The following CAGE1 variants were observed in gnomAD, a reference collection of about 807,000 sequenced individuals.
CAGE1 encodes cancer antigen 1.
A neutral mutation model predicts 94.9 loss-of-function variants in CAGE1; 66 were observed. The observed-to-expected ratio is 0.70, with a 90% confidence interval of 0.57 to 0.85. The LOEUF (loss-of-function observed/expected upper bound fraction) is 0.85. Among genes scored for constraint, CAGE1 ranks in the 40% least tolerant of loss-of-function variants. The pLI, the probability that CAGE1 is intolerant of heterozygous loss-of-function variation, is 0.00. For missense variants in CAGE1, 865 were observed against 950.4 expected, an observed-to-expected ratio of 0.91 and a Z score of 1.18; for synonymous variants, 319 against 321.0, an observed-to-expected ratio of 0.99 and a Z score of 0.07.
intron 11 of CAGE1, among the ~76,000 whole-genome samples, chr6:7,344,969 G>C (rs1022004458): frequency 6.6e-6 from 1 of 152,312 alleles, no homozygotes; most frequent in Non-Finnish European, 1.5e-5. Context: ...TGTCAAAACA[G>C]GCCACTCGGC....
chr6:7,331,180 A>T, intron 12 of CAGE1: 1 of 288,948 alleles, frequency 3.5e-6, no homozygotes, highest in Non-Finnish European at 6.9e-6. Context: ...CTTGGAAATA[A>T]CGTACATTTC....
intron 5 of CAGE1, among the ~76,000 whole-genome samples, chr6:7,370,322 G>C (rs1760496536): frequency 2.0e-5 from 3 of 152,008 alleles, no homozygotes; most frequent in Admixed American, 2.0e-4. Context: ...TTGAGCCAGG[G>C]TCTCACTGTC....
intron 3 of CAGE1, among the ~76,000 whole-genome samples, chr6:7,383,200 G>T (rs1024673546): frequency 6.6e-6 from 1 of 152,138 alleles, no homozygotes; most frequent in Non-Finnish European, 1.5e-5. Context: ...ATTCTGTTTC[G>T]AGGCCTTCCC....
chr6:7,378,273 G>T (rs1325313523), intron 4 of CAGE1, among the ~76,000 whole-genome samples: 1 of 152,182 alleles, frequency 6.6e-6, no homozygotes, highest in Non-Finnish European at 1.5e-5. Flanking sequence ...GGGTGAGTAA[G>T]ACAGTCCTGA....
intron 11 of CAGE1, among the ~76,000 whole-genome samples, chr6:7,345,429 C>A (rs1033762018): frequency 6.6e-6 from 1 of 152,138 alleles, no homozygotes; most frequent in African/African-American, 2.4e-5. Flanking sequence ...CTGCAGGGGT[C>A]TGTGGTTTCA....
chr6:7,373,221 A>C lies in CAGE1; in HGVS notation c.1598T>G (p.Leu533Arg). The part of the protein sequence containing the change: ...SENERTKNIK[L>R]QQQINEVKNE... ...TTTTACTTCGTTGATTTGCTGCTGA[A>C]GTTTTATATTCTTCGTTCTTTCATT... is the stretch of plus-strand genomic sequence containing the variant. Residue 533 changes from leucine to arginine, a missense_variant, in exon 5 of 14, where the codon CTT (leucine) becomes CGT (arginine). By Grantham distance (102) the Leu-to-Arg change is moderately radical (BLOSUM62 -2). Transcript: ENST00000502583. 2 of 1,611,124 alleles carry C rather than the reference A, an allele frequency of 1.2e-6. No homozygotes were observed. Among genetic ancestry groups the C allele is most frequent in the South Asian group, 1.1e-5 (1 of 90,822 alleles).
chr6:7,367,385 C>T (rs988127448), intron 7 of CAGE1, among the ~76,000 whole-genome samples: 59 of 150,194 alleles, frequency 3.9e-4, no homozygotes, highest in African/African-American at 1.4e-3. Context: ...AGGTGATCCT[C>T]GCACCTCAGC....
intron 9 of CAGE1, among the ~76,000 whole-genome samples, chr6:7,360,265 G>A (rs1760122957): frequency 6.6e-6 from 1 of 152,172 alleles, no homozygotes; most frequent in Non-Finnish European, 1.5e-5. Context: ...GGACTAGGGT[G>A]TGGGAATCTT....
chr6:7,372,989 T>C, intron 5 of CAGE1, 84 bp downstream of exon 5: 1 of 951,478 alleles, frequency 1.1e-6, no homozygotes, highest in African/African-American at 1.7e-5. Flanking sequence ...CAAACAAATA[T>C]AAGTGCCACG....
At chr6:7,329,478 G>T (rs1215635508) in intron 13 of CAGE1, among the ~76,000 whole-genome samples, 2 of 152,144 alleles carry the variant, frequency 1.3e-5, no homozygotes, top group Non-Finnish European at 2.9e-5. Context: ...ATGCAACGGA[G>T]GGGCATGAAA....
intron 13 of CAGE1, among the ~76,000 whole-genome samples, chr6:7,327,911 CAA>C (rs753208707): frequency 6.7e-6 from 1 of 149,688 alleles, no homozygotes; most frequent in African/African-American, 2.4e-5. Context: ...GCCTGGGCAA[CAA>C]GAGTGAAACT....
At chr6:7,382,283 G>A (rs185972043) in intron 3 of CAGE1, among the ~76,000 whole-genome samples, 70 of 151,790 alleles carry the variant, frequency 4.6e-4, no homozygotes, top group African/African-American at 1.6e-3. Context: ...TGTAGTCAAT[G>A]CATCGATTAT....
intron 7 of CAGE1, among the ~76,000 whole-genome samples, chr6:7,366,587 T>G (rs1760344923): frequency 6.6e-6 from 1 of 152,130 alleles, no homozygotes; most frequent in African/African-American, 2.4e-5. Flanking sequence ...GGGCACTGGG[T>G]CTCTAAGAAG....
In CAGE1 at chr6:7,385,882, T is replaced by G; in HGVS notation, c.196-10A>C. 1 of 1,434,578 alleles carries G rather than the reference T, an allele frequency of 7.0e-7. No homozygotes were observed. Among genetic ancestry groups the G allele is most frequent in the South Asian group, 1.3e-5 (1 of 76,556 alleles). The allele number at this position is 1,434,578 out of a possible 1,614,324, so 88.9% of individuals were successfully genotyped here. ...AATTCTTTATTTCGTTCTGTATTAATAAAAAAGGCATCAATACTTCAAGCA... is the reference window on the plus strand; with the variant it reads ...AATTCTTTATTTCGTTCTGTATTAAGAAAAAAGGCATCAATACTTCAAGCA... On this transcript the variant is annotated splice_polypyrimidine_tract_variant and intron_variant, in intron 2 of 13. Coordinates refer to ENST00000502583, the MANE Select transcript of CAGE1 (RefSeq NM_001170692.2).
intron 5 of CAGE1, 127 bp downstream of exon 5, chr6:7,372,946 G>A (rs771119250): frequency 6.4e-5 from 47 of 739,416 alleles, no homozygotes; most frequent in Non-Finnish European, 8.9e-5. Flanking sequence ...CCAAAGTGCC[G>A]AGATCTGTTT....
rs1019915314 is a variant in CAGE1 at position 7,362,432 on chromosome 6, CAG to C, written c.2193+3034_2193+3035del. On this transcript the variant is annotated intron_variant, in intron 9 of 13. Transcript: ENST00000502583. This position sits in a 1 kb window ranked among gnomAD's most constrained non-coding sequence, Gnocchi z 4.1. ...TGACTGTATCAGTGTCTTCCTGGAC[CAG>C]GAGACATTTTGCACTTGACAGTTAA... 5.9e-5 allele frequency among the ~76,000 whole-genome samples: 9 copies of C among 152,112 alleles called. No homozygotes were observed. Among genetic ancestry groups the C allele is most frequent in the Non-Finnish European group, 1.2e-4 (8 of 68,028 alleles).
chr6:7,334,868 G>A (rs1449884949), intron 11 of CAGE1, among the ~76,000 whole-genome samples: 1 of 152,126 alleles, frequency 6.6e-6, no homozygotes, highest in Non-Finnish European at 1.5e-5. Context: ...GAGGTTGTAT[G>A]AGCTTCCTGT....
Position 7,374,178 on chromosome 6 carries a change from A to C in CAGE1, c.688-47T>G, listed in dbSNP as rs762943992. 51 of 1,493,772 alleles carry C rather than the reference A, an allele frequency of 3.4e-5. No homozygotes were observed. In the East Asian group the frequency reaches 1.0e-3, roughly 30 times the overall value. The allele number at this position is 1,493,772 out of a possible 1,614,324, so 92.5% of individuals were successfully genotyped here. A position where few individuals can be genotyped will look rare whatever the true frequency, so the allele number is the denominator to read the frequency against. On this transcript the variant is annotated intron_variant, in intron 4 of 13. Transcript: ENST00000502583. ...GTAAGTGTGAACGAGTAGAAAGATA[A>C]TGAGCTTTCAAGTCAAATAGGGCTG...
At chr6:7,375,268 G>A (rs925359877) in intron 4 of CAGE1, among the ~76,000 whole-genome samples, 9 of 151,834 alleles carry the variant, frequency 5.9e-5, no homozygotes, top group African/African-American at 9.7e-5. Flanking sequence ...AATTAGCTGC[G>A]CGTGGCGGTG....
Sources: gnomAD v4.1 joint callset for allele counts (sites outside exome capture counted in the v4.1 genomes callset) on GRCh38, gnomAD v4.1.1 for gene constraint, Gnocchi (gnomAD v3.1) non-coding constraint, MANE v1.5 for transcripts, NCBI Gene and HGNC (gene_info 2026-07-23, HGNC 2026-07-21) for gene names.